PRICKLE2: variants seen among roughly 807,000 people sequenced by gnomAD.
PRICKLE2 encodes the protein prickle-like protein 2.
A neutral mutation model predicts 81.4 loss-of-function variants in PRICKLE2; 21 were observed. The ratio of observed to expected loss-of-function variants is 0.26; its 90% CI spans 0.18 to 0.37. PRICKLE2 has a LOEUF of 0.37. PRICKLE2 is among the 10% of genes least tolerant of loss of function. PRICKLE2 has a pLI of 1.00. For synonymous variants in PRICKLE2, 456 were observed against 421.5 expected (o/e 1.08, Z -1.00); for missense variants, 940 against 1,109.0 (o/e 0.85, Z 2.16).
intron 2 of PRICKLE2, among the ~76,000 whole-genome samples, chr3:64,234,642 T>G (rs994127877): frequency 2.0e-5 from 3 of 152,188 alleles, no homozygotes; most frequent in Non-Finnish European, 4.4e-5. Context: ...CTTTGAAGCA[T>G]AAAGATTTCT....
At chr3:64,173,456 T>C (rs1189204618) in intron 2 of PRICKLE2, among the ~76,000 whole-genome samples, 1 of 152,162 alleles carries the variant, frequency 6.6e-6, no homozygotes, top group Non-Finnish European at 1.5e-5. Context: ...GTATTTATCA[T>C]CTTTAAAAAA....
chr3:64,160,192 C>G, intron 3 of PRICKLE2, 115 bp from the exon 4 acceptor site: 3 of 1,134,242 alleles, frequency 2.6e-6, no homozygotes, highest in South Asian at 2.5e-5. Flanking sequence ...TTATAGCCCT[C>G]GCCTGAACTT....
At chr3:64,246,221 G>A (rs181746240) in intron 2 of PRICKLE2, among the ~76,000 whole-genome samples, 4 of 152,152 alleles carry the variant, frequency 2.6e-5, no homozygotes, top group Non-Finnish European at 4.4e-5. Context: ...CAGCCTGGGC[G>A]ACAAAGCAAG....
At chr3:64,233,052 C>T (rs1014837099) in intron 2 of PRICKLE2, among the ~76,000 whole-genome samples, 18 of 152,204 alleles carry the variant, frequency 1.2e-4, no homozygotes, top group African/African-American at 4.1e-4. Flanking sequence ...TAACAGAGAA[C>T]GTACAGCCTG....
Position 64,094,642 on chromosome 3 carries a change from T to C in PRICKLE2, c.*4409A>G, listed in dbSNP as rs1196788846. The C allele has an allele frequency of 6.6e-6, 1 of 152,244 alleles. No individual in the cohort carries two copies. Among genetic ancestry groups the C allele is most frequent in the African/African-American group, 2.4e-5 (1 of 41,448 alleles). 9.4% of individuals were successfully genotyped at this position (152,244 alleles called of 1,614,324 possible). A position where few individuals can be genotyped will look rare whatever the true frequency, so the allele number is the denominator to read the frequency against. On this transcript the variant is annotated 3_prime_UTR_variant, in exon 8 of 8. Coordinates refer to ENST00000638394, the MANE Select transcript of PRICKLE2 (RefSeq NM_198859.4). ...TGACTAGGCTACTATTATGAGAAAA[T>C]GGAAAAAGAATCCAATTTTTTCTTG...
chr3:64,153,524 A>T (rs1478913139), intron 5 of PRICKLE2, 156 bp from the exon 6 acceptor site: 10 of 674,966 alleles, frequency 1.5e-5, no homozygotes, highest in Admixed American at 7.4e-5. Context: ...TTTATTCTGT[A>T]TGTATATCAG....
intron 3 of PRICKLE2, 50 bp downstream of exon 3, chr3:64,162,966 T>G (rs1427601470): frequency 1.8e-6 from 2 of 1,109,352 alleles, no homozygotes; most frequent in Admixed American, 3.4e-5. Flanking sequence ...AGGTAACAAT[T>G]CATAGAAGGC....
At chr3:64,166,515 C>G (rs984296150) in intron 2 of PRICKLE2, among the ~76,000 whole-genome samples, 3 of 152,172 alleles carry the variant, frequency 2.0e-5, no homozygotes, top group Non-Finnish European at 2.9e-5. Context: ...AGTGACTACT[C>G]TTTGGGAACA....
At chr3:64,248,816 C>A (rs1401689065) in intron 2 of PRICKLE2, among the ~76,000 whole-genome samples, 2 of 152,078 alleles carry the variant, frequency 1.3e-5, no homozygotes, top group Non-Finnish European at 1.5e-5. Context: ...GTGCTAATAA[C>A]AGACCATGAT....
At position 64,153,252 on chromosome 3, in the gene PRICKLE2, T is replaced by C; in HGVS notation, c.717A>G (p.Gly239=). Residue 239 remains glycine, a synonymous_variant, in exon 6 of 8, where the codon GGA becomes GGG. Coordinates refer to ENST00000638394, the MANE Select transcript of PRICKLE2 (RefSeq NM_198859.4). ...LGGQRYIMKE[G]RPYCCHCFES... The stretch of plus-strand genomic sequence containing the variant: ...CGAAGCAGTGGCAACAGTAGGGTCT[T>C]CCCTCCTTCATGATGTAGCGCTGGC... The C allele has an allele frequency of 6.2e-7, 1 of 1,614,166 alleles. No individual in the cohort carries two copies. Among genetic ancestry groups the C allele is most frequent in the Non-Finnish European group, 8.5e-7 (1 of 1,180,032 alleles).
At chr3:64,128,006 T>A (rs2077136932) in intron 7 of PRICKLE2, among the ~76,000 whole-genome samples, 1 of 152,066 alleles carries the variant, frequency 6.6e-6, no homozygotes, top group Non-Finnish European at 1.5e-5. Flanking sequence ...ACCAGAGGAT[T>A]TCCTCATATT....
At chr3:64,146,683 C>A in intron 7 of PRICKLE2, 147 bp downstream of exon 7, 2 of 823,656 alleles carry the variant, frequency 2.4e-6, no homozygotes, top group Non-Finnish European at 3.9e-6. Flanking sequence ...GTGGAGCTTG[C>A]AGTGAGCGGA....
chr3:64,198,210 TAAAA>T (rs1165323960), intron 2 of PRICKLE2, among the ~76,000 whole-genome samples: 36 of 134,752 alleles, frequency 2.7e-4, no homozygotes, highest in Non-Finnish European at 4.8e-4. Flanking sequence ...AGACTCTATC[TAAAA>T]TAAATAAATA....
chr3:64,176,099 T>C (rs956435645), intron 2 of PRICKLE2, among the ~76,000 whole-genome samples: 1 of 152,198 alleles, frequency 6.6e-6, no homozygotes, highest in Non-Finnish European at 1.5e-5. Context: ...AAGAGGCAGA[T>C]GGATCAACAA....
At position 64,149,969 on chromosome 3, in the gene PRICKLE2, C is replaced by CTTTTT. The variant is rs34841544; in HGVS notation, c.788-2272_788-2268dup. On this transcript the variant is annotated intron_variant, in intron 6 of 7. Transcript: ENST00000638394. The stretch of plus-strand genomic sequence containing the variant: ...TGTGAATCAACTGAATCAACTCCAT[C>CTTTTT]TTTTTTTTTTTTTTTTTTTTTGAGA... Among the ~76,000 whole-genome samples the CTTTTT allele has an allele frequency of 1.4e-3, 150 of 109,700 alleles. 1 individual carries two copies. The highest frequency in any genetic ancestry group is 3.0e-3 in the African/African-American group (84 of 27,998). 72.0% of individuals were successfully genotyped at this position (109,700 alleles called of 152,430 possible). A position where few individuals can be genotyped will look rare whatever the true frequency, so the allele number is the denominator to read the frequency against.
chr3:64,111,758 A>G (rs2076850439), intron 7 of PRICKLE2, among the ~76,000 whole-genome samples: 1 of 152,124 alleles, frequency 6.6e-6, no homozygotes, highest in African/African-American at 2.4e-5. Flanking sequence ...TACTTTGGAG[A>G]GGAAGGAAGA....
intron 1 of PRICKLE2, among the ~76,000 whole-genome samples, chr3:64,216,627 G>A (rs1359113975): frequency 6.6e-6 from 1 of 152,168 alleles, no homozygotes; most frequent in African/African-American, 2.4e-5. Flanking sequence ...CATTACAAGG[G>A]CAAACAACGT....
chr3:64,168,072 C>CTGAAA (rs1559553197), intron 2 of PRICKLE2, among the ~76,000 whole-genome samples: 1 of 152,136 alleles, frequency 6.6e-6, no homozygotes, highest in East Asian at 1.9e-4. Flanking sequence ...CCTTCCACAC[C>CTGAAA]TAGATATATG....
chr3:64,194,305 A>G (rs536889283), intron 2 of PRICKLE2: 8 of 152,372 alleles, frequency 5.3e-5, no homozygotes, highest in Admixed American at 5.2e-4. Context: ...AGCTGGAACT[A>G]GAGCATGGTA....
Sources: gnomAD v4.1 joint callset for allele counts (sites outside exome capture counted in the v4.1 genomes callset) on GRCh38, gnomAD v4.1.1 for gene constraint, MANE v1.5 for transcripts, NCBI Gene and HGNC (gene_info 2026-07-23, HGNC 2026-07-21) for gene names.